Variants in GABRG1 observed in about 807,000 individuals in gnomAD.
GABRG1 encodes the protein gamma-aminobutyric acid type A receptor subunit gamma1, also known as gamma-aminobutyric acid receptor subunit gamma-1.
GABRG1 carries 49 observed loss-of-function variants against 49.8 expected under a neutral mutation model. The ratio of observed to expected loss-of-function variants is 0.98; its 90% CI spans 0.78 to 1.25. The LOEUF (loss-of-function observed/expected upper bound fraction) is 1.25. GABRG1 is among the 50% of genes most tolerant of loss of function. GABRG1 has a pLI of 0.00. For missense variants in GABRG1, 552 were observed against 552.3 expected, an observed-to-expected ratio of 1.00 and a Z score of 0.01; for synonymous variants, 232 against 185.1, an observed-to-expected ratio of 1.25 and a Z score of -2.06.
chr4:46,080,444 A>C (rs1366724465), intron 3 of GABRG1, among the ~76,000 whole-genome samples: 1 of 151,890 alleles, frequency 6.6e-6, no homozygotes, highest in Non-Finnish European at 1.5e-5. Flanking sequence ...TTTAATAAAC[A>C]TTATCAAGTG....
At chr4:46,065,114 G>A (rs913741742) in intron 4 of GABRG1, among the ~76,000 whole-genome samples, 4 of 152,034 alleles carry the variant, frequency 2.6e-5, no homozygotes, top group African/African-American at 4.8e-5. Flanking sequence ...TAATCTTTAT[G>A]CTGCAACCTG....
chr4:46,097,219 G>T lies in GABRG1; in HGVS notation c.235C>A (p.Leu79Ile). The change falls in exon 2 of 9, where the codon CTT (leucine) becomes ATT (isoleucine). Residue 79 changes from leucine (L) to isoleucine (I), a missense_variant. Physicochemically the swap from Leu to Ile is conservative, Grantham distance 5. Transcript: ENST00000295452. ...AGCTTACCTCCTATATCTGGACGAA[G>T]TTTATTGTCATAGCCTTGAAGCAAT... ...NSLLQGYDNK[L>I]RPDIGVRPTV... 1 of 1,608,646 alleles carries T rather than the reference G, an allele frequency of 6.2e-7. No homozygotes were observed. Among genetic ancestry groups the T allele is most frequent in the Non-Finnish European group, 8.5e-7 (1 of 1,177,090 alleles).
At chr4:46,049,276 T>C (rs574398853) in intron 8 of GABRG1, among the ~76,000 whole-genome samples, 1 of 151,740 alleles carries the variant, frequency 6.6e-6, no homozygotes, top group Non-Finnish European at 1.5e-5. Flanking sequence ...ACAAACAGAG[T>C]TGCCTGTTCC....
intron 8 of GABRG1, among the ~76,000 whole-genome samples, chr4:46,041,974 T>C (rs13126067): frequency 6.6e-6 from 1 of 151,744 alleles, no homozygotes; most frequent in Non-Finnish European, 1.5e-5. Context: ...GCTTTATTTG[T>C]AACATGTTAA....
At chr4:46,084,615 TA>T (rs1262087883) in intron 2 of GABRG1, among the ~76,000 whole-genome samples, 5 of 151,638 alleles carry the variant, frequency 3.3e-5, no homozygotes, top group African/African-American at 1.2e-4. Context: ...CCCTTGCAAT[TA>T]AAAATACACT....
At chr4:46,123,143 C>G (rs889663336) in intron 1 of GABRG1, among the ~76,000 whole-genome samples, 3 of 142,242 alleles carry the variant, frequency 2.1e-5, no homozygotes, top group East Asian at 2.1e-4. Flanking sequence ...CACACACACA[C>G]AGAGCCAAGA....
rs1282100025 is a variant in GABRG1, at chr4:46,040,016, C to G, written c.*972G>C. 6.6e-6 allele frequency: 1 copy of G among 151,762 alleles called. No individual in the cohort carries two copies. Among genetic ancestry groups the G allele is most frequent in the African/African-American group, 2.4e-5 (1 of 41,400 alleles). The allele number at this position is 151,762 out of a possible 1,614,324, so 9.4% of individuals were successfully genotyped here. On this transcript the variant is annotated 3_prime_UTR_variant, in exon 9 of 9. Coordinates refer to ENST00000295452, the MANE Select transcript of GABRG1 (RefSeq NM_173536.4). ...TAATAGCACATATTTAAGATTTTGTCCTCAATATGACCGGCAACTCAGTTT... is the reference window on the plus strand; with the variant it reads ...TAATAGCACATATTTAAGATTTTGTGCTCAATATGACCGGCAACTCAGTTT...
chr4:46,110,699 A>G (rs1292647360), intron 1 of GABRG1, among the ~76,000 whole-genome samples: 1 of 151,212 alleles, frequency 6.6e-6, no homozygotes, highest in Non-Finnish European at 1.5e-5. Flanking sequence ...TTGGTTCACC[A>G]TATGCAAATG....
intron 7 of GABRG1, among the ~76,000 whole-genome samples, chr4:46,056,404 T>C (rs1718451855): frequency 6.6e-6 from 1 of 151,976 alleles, no homozygotes; most frequent in Admixed American, 6.6e-5. Flanking sequence ...TTCTGCCCAA[T>C]ATCCACCAGG....
chr4:46,040,065 C>T lies in GABRG1; in HGVS notation c.*923G>A, dbSNP rs776996620. The T allele has an allele frequency of 5.3e-5, 8 of 151,740 alleles. No individual in the cohort carries two copies. Among genetic ancestry groups the T allele is most frequent in the Non-Finnish European group, 8.8e-5 (6 of 67,826 alleles). 9.4% of individuals were successfully genotyped at this position (151,740 alleles called of 1,614,324 possible). ...TTGCCAGGTAATAATTTTTTAACCA[C>T]GTGAGTAAATACAAGCAATGTTCCT... On this transcript the variant is annotated 3_prime_UTR_variant, in exon 9 of 9. Transcript: ENST00000295452.
At chr4:46,108,151 T>A (rs1393210747) in intron 1 of GABRG1, among the ~76,000 whole-genome samples, 1 of 151,124 alleles carries the variant, frequency 6.6e-6, no homozygotes. Flanking sequence ...ATGAAAAAAT[T>A]CTAAGAAACA....
intron 3 of GABRG1, among the ~76,000 whole-genome samples, chr4:46,083,619 T>C (rs1471161649): frequency 6.6e-6 from 1 of 151,682 alleles, no homozygotes; most frequent in Non-Finnish European, 1.5e-5. Context: ...CCTCTGTGAC[T>C]TTGTGCATGC....
intron 7 of GABRG1, among the ~76,000 whole-genome samples, chr4:46,053,470 C>A (rs530168734): frequency 7.2e-5 from 11 of 151,944 alleles, no homozygotes; most frequent in Admixed American, 5.9e-4. Flanking sequence ...TCCCTTACAG[C>A]TTTTACTTCA....
intron 8 of GABRG1, among the ~76,000 whole-genome samples, chr4:46,043,504 A>T (rs1381962403): frequency 2.6e-5 from 4 of 152,058 alleles, no homozygotes; most frequent in Non-Finnish European, 5.9e-5. Flanking sequence ...ATAAAATAAA[A>T]TATTGATGAA....
At chr4:46,043,574 A>T (rs1717867155) in intron 8 of GABRG1, among the ~76,000 whole-genome samples, 1 of 151,990 alleles carries the variant, frequency 6.6e-6, no homozygotes, top group African/African-American at 2.4e-5. Context: ...ATACATTCCA[A>T]GTCTTATTTA....
rs1365307543 is a variant in GABRG1 at position 46,038,361 on chromosome 4, T to C, written c.*2627A>G. ...AATTTCTAGATCCTTGTCACATATT[T>C]AGAGGATAGGTCTATATAAACAAAC... is the stretch of plus-strand genomic sequence containing the variant. On this transcript the variant is annotated 3_prime_UTR_variant, in exon 9 of 9. Transcript: ENST00000295452. 6.6e-6 allele frequency: 1 copy of C among 151,688 alleles called. No individual in the cohort carries two copies. Among genetic ancestry groups the C allele is most frequent in the African/African-American group, 2.4e-5 (1 of 41,406 alleles). 9.4% of individuals were successfully genotyped at this position (151,688 alleles called of 1,614,324 possible).
intron 1 of GABRG1, among the ~76,000 whole-genome samples, chr4:46,106,298 C>A (rs1720544594): frequency 6.6e-6 from 1 of 151,338 alleles, no homozygotes; most frequent in Admixed American, 6.6e-5. Flanking sequence ...TGCCCCATCC[C>A]CAGCTTTCCT....
At chr4:46,043,873 A>G (rs1717880912) in intron 8 of GABRG1, among the ~76,000 whole-genome samples, 1 of 151,986 alleles carries the variant, frequency 6.6e-6, no homozygotes, top group Non-Finnish European at 1.5e-5. Flanking sequence ...TATTTTAAGC[A>G]CCAAAATATA....
chr4:46,077,538 T>C (rs917872619), intron 3 of GABRG1, among the ~76,000 whole-genome samples: 1 of 151,944 alleles, frequency 6.6e-6, no homozygotes, highest in Non-Finnish European at 1.5e-5. Context: ...AATAAAAAAC[T>C]ATTTTTATGA....
Sources: allele counts gnomAD v4.1 joint callset (sites outside exome capture counted in the v4.1 genomes callset), GRCh38; gene constraint gnomAD v4.1.1; transcripts MANE v1.5; gene names NCBI Gene and HGNC (gene_info 2026-07-23, HGNC 2026-07-21).